Variants in KMT2E observed in about 807,000 individuals in gnomAD.
KMT2E encodes lysine methyltransferase 2E (inactive), also known as histone reader KMT2E.
Under a neutral mutation model 184.6 loss-of-function variants are expected in KMT2E, and 30 were observed. That is an observed-to-expected ratio of 0.16 (90% CI 0.12 to 0.22). The LOEUF is 0.22. Ranked by LOEUF, KMT2E falls within the 10% of genes least tolerant of loss-of-function variation. The pLI, the probability that KMT2E is intolerant of heterozygous loss-of-function variation, is 1.00. For missense variants in KMT2E, 2,023 were observed against 2,237.4 expected, an observed-to-expected ratio of 0.90 and a Z score of 1.93; for synonymous variants, 815 against 776.5, an observed-to-expected ratio of 1.05 and a Z score of -0.82.
In KMT2E at chr7:105,041,040, GT is replaced by G; in HGVS notation, c.71+19del. ...AGGTTCAGAGTAAGTATTTAAATTGGTTACATAAGCAAAAAAAAAAAAAAAA... is the reference window on the plus strand; with the variant it reads ...AGGTTCAGAGTAAGTATTTAAATTGGTACATAAGCAAAAAAAAAAAAAAAA... On this transcript the variant is annotated intron_variant, in intron 3 of 26. Coordinates refer to ENST00000311117, the MANE Select transcript of KMT2E (RefSeq NM_182931.3). 8.6e-7 allele frequency: 1 copy of G among 1,162,674 alleles called. No homozygotes were observed. Among genetic ancestry groups the G allele is most frequent in the Middle Eastern group, 2.5e-4 (1 of 3,952 alleles). 72.0% of individuals were successfully genotyped at this position (1,162,674 alleles called of 1,614,324 possible). A position where few individuals can be genotyped will look rare whatever the true frequency, so the allele number is the denominator to read the frequency against.
chr7:105,071,749 G>A (rs1376195473), intron 6 of KMT2E, among the ~76,000 whole-genome samples: 2 of 146,744 alleles, frequency 1.4e-5, no homozygotes, highest in Non-Finnish European at 3.0e-5. Flanking sequence ...GGGCCACCAC[G>A]CCCGGCCTGC....
intron 2 of KMT2E, among the ~76,000 whole-genome samples, chr7:105,040,087 G>T (rs1795815383): frequency 6.6e-6 from 1 of 152,044 alleles, no homozygotes; most frequent in African/African-American, 2.4e-5. Flanking sequence ...AAGAAAAAGA[G>T]AACTCCTTCA....
chr7:105,037,295 CAT>C (rs1048984354), intron 1 of KMT2E, among the ~76,000 whole-genome samples: 7 of 152,020 alleles, frequency 4.6e-5, no homozygotes, highest in African/African-American at 9.7e-5. Context: ...TATTTTTACT[CAT>C]ATTTTTTATT....
intron 1 of KMT2E, among the ~76,000 whole-genome samples, chr7:105,037,705 C>G (rs997603659): frequency 5.3e-5 from 8 of 152,104 alleles, no homozygotes; most frequent in African/African-American, 1.9e-4. Flanking sequence ...CAGCTTCAGT[C>G]TTCCAGTTTT....
At chr7:105,074,344 G>A (rs2129567950) in intron 7 of KMT2E, among the ~76,000 whole-genome samples, 1 of 152,290 alleles carries the variant, frequency 6.6e-6, no homozygotes, top group East Asian at 1.9e-4. Flanking sequence ...TGCTAGATAT[G>A]GCTGAATTGT....
chr7:105,067,375 C>T (rs1797075238), intron 6 of KMT2E, among the ~76,000 whole-genome samples: 1 of 151,834 alleles, frequency 6.6e-6, no homozygotes, highest in Non-Finnish European at 1.5e-5. Flanking sequence ...ATCTATCATT[C>T]TTCTTGTTTG....
At chr7:105,111,385 ATGAAAAGGTAT>A (rs1286159382) in intron 26 of KMT2E, among the ~76,000 whole-genome samples, 1 of 151,998 alleles carries the variant, frequency 6.6e-6, no homozygotes, top group Admixed American at 6.6e-5. Flanking sequence ...TACAAGGAAA[ATGAAAAGGTAT>A]TAAAAATCAA....
intron 17 of KMT2E, chr7:105,105,168 A>C: frequency 3.8e-6 from 1 of 265,286 alleles, no homozygotes; most frequent in Non-Finnish European, 7.0e-6. Context: ...TTGTCTCAAA[A>C]AAAAAAGTAA....
At chr7:105,074,028 A>C (rs1797435127) in intron 7 of KMT2E, among the ~76,000 whole-genome samples, 1 of 152,218 alleles carries the variant, frequency 6.6e-6, no homozygotes, top group Non-Finnish European at 1.5e-5. Flanking sequence ...AGAATAGTAC[A>C]TCTTTTATTT....
chr7:105,100,002 G>C (rs1798587404), intron 15 of KMT2E, among the ~76,000 whole-genome samples: 1 of 152,132 alleles, frequency 6.6e-6, no homozygotes, highest in African/African-American at 2.4e-5. Context: ...ATTTTGTAAG[G>C]AAAGAACTCA....
chr7:105,019,082 C>G (rs1009193489), intron 1 of KMT2E, among the ~76,000 whole-genome samples: 1 of 152,010 alleles, frequency 6.6e-6, no homozygotes, highest in Admixed American at 6.5e-5. Context: ...TATTATGATG[C>G]AAACAAATTG....
chr7:105,016,196 C>A (rs1794710471), intron 1 of KMT2E, among the ~76,000 whole-genome samples: 1 of 152,162 alleles, frequency 6.6e-6, no homozygotes, highest in African/African-American at 2.4e-5. Flanking sequence ...TTTTAGGGAG[C>A]TGTACAAACA....
chr7:105,056,970 GA>G (rs1185441038), intron 3 of KMT2E, among the ~76,000 whole-genome samples: 12 of 152,104 alleles, frequency 7.9e-5, no homozygotes, highest in Non-Finnish European at 1.5e-5. Context: ...GAGTTTGGAA[GA>G]AAAAATAATA....
At position 105,112,797 on chromosome 7, in the gene KMT2E, C is replaced by T; in HGVS notation, c.5041C>T (p.Pro1681Ser). The change falls in exon 27 of 27, where the codon CCA (proline) becomes TCA (serine). Residue 1681 changes from proline to serine, a missense_variant. This residue lies in a region of KMT2E where 1,108 missense variants were observed against 1,050.9 expected (regional missense o/e 1.05). Coordinates refer to ENST00000311117, the MANE Select transcript of KMT2E (RefSeq NM_182931.3). ...TGCTGGACACCACTTACCCCCACCC[C>T]CACCCCCTCCTGGTCCTGCCCCTCA... ...QTAGHHLPPP[P>S]PPPGPAPHHH... 1 of 1,596,288 alleles carries T rather than the reference C, an allele frequency of 6.3e-7. No homozygotes were observed. The highest frequency in any genetic ancestry group is 8.5e-7 in the Non-Finnish European group (1 of 1,170,854).
chr7:105,022,707 T>C (rs372735621), intron 1 of KMT2E, among the ~76,000 whole-genome samples: 1 of 152,294 alleles, frequency 6.6e-6, no homozygotes, highest in African/African-American at 2.4e-5. Context: ...TGGTTGTAAA[T>C]ACACGAAGGT....
At chr7:105,055,358 G>T (rs1340403184) in intron 3 of KMT2E, among the ~76,000 whole-genome samples, 1 of 151,392 alleles carries the variant, frequency 6.6e-6, no homozygotes, top group Non-Finnish European at 1.5e-5. Flanking sequence ...CTGGCCCTCT[G>T]TATAGTTTTT....
rs143646215 is a variant in KMT2E at position 105,114,528 on chromosome 7, TATTA to T, written c.*1200_*1203del. ...GCTAAAATATAAAATGCTAGTTAGT[TATTA>T]ATTATTAATCTTCAAAAAATTAAAA... On this transcript the variant is annotated 3_prime_UTR_variant, in exon 27 of 27. Transcript: ENST00000311117. 2.8e-4 allele frequency among the ~76,000 whole-genome samples: 43 copies of T among 152,358 alleles called. No individual in the cohort carries two copies. Among genetic ancestry groups the T allele is most frequent in the South Asian group, 1.2e-3 (6 of 4,830 alleles).
chr7:105,017,476 CTT>C (rs367910684), intron 1 of KMT2E, among the ~76,000 whole-genome samples: 3 of 113,594 alleles, frequency 2.6e-5, no homozygotes, highest in Admixed American at 8.5e-5. Context: ...ATGATACTGG[CTT>C]TTTTTTTTTT....
At chr7:105,062,573 AT>A (rs1796863193) in intron 4 of KMT2E, among the ~76,000 whole-genome samples, 1 of 152,068 alleles carries the variant, frequency 6.6e-6, no homozygotes, top group African/African-American at 2.4e-5. Context: ...ATTTTGAATT[AT>A]ATAGTAATTA....
Sources: gnomAD v4.1 joint callset for allele counts (sites outside exome capture counted in the v4.1 genomes callset) on GRCh38, gnomAD v4.1.1 for gene constraint, gnomAD v4.1.1 regional missense constraint, MANE v1.5 for transcripts, NCBI Gene and HGNC (gene_info 2026-07-23, HGNC 2026-07-21) for gene names.